The following RNF8 variants were observed in gnomAD, a reference collection of about 807,000 sequenced individuals.
RNF8 encodes ring finger protein 8, also known as E3 ubiquitin-protein ligase RNF8.
RNF8 carries 8 observed loss-of-function variants against 59.3 expected under a neutral mutation model. That is an observed-to-expected ratio of 0.13 (90% CI 0.08 to 0.24). The LOEUF is 0.24. Ranked by LOEUF, RNF8 falls within the 10% of genes least tolerant of loss-of-function variation. The pLI, the probability that RNF8 is intolerant of heterozygous loss-of-function variation, is 1.00. For missense variants in RNF8, 406 were observed against 572.6 expected (o/e 0.71, Z 2.97); for synonymous variants, 162 against 200.0 (o/e 0.81, Z 1.60).
At chr6:37,359,633 G>A (rs1294146294) in intron 1 of RNF8, among the ~76,000 whole-genome samples, 1 of 152,150 alleles carries the variant, frequency 6.6e-6, no homozygotes, top group Non-Finnish European at 1.5e-5. Flanking sequence ...AGAAGAGACA[G>A]GACTTAGGAT....
chr6:37,375,248 C>T (rs1769965107), intron 5 of RNF8, among the ~76,000 whole-genome samples: 1 of 152,196 alleles, frequency 6.6e-6, no homozygotes, highest in Non-Finnish European at 1.5e-5. Context: ...GCCCACACCC[C>T]CATCCCAGGA....
chr6:37,365,461 T>A (rs961195968), intron 2 of RNF8, among the ~76,000 whole-genome samples: 16 of 152,360 alleles, frequency 1.1e-4, no homozygotes, highest in African/African-American at 3.8e-4. Context: ...ACTCCGAGGG[T>A]GAAACCTAGG....
intron 7 of RNF8, among the ~76,000 whole-genome samples, chr6:37,387,418 G>A (rs1235940469): frequency 2.0e-5 from 3 of 152,108 alleles, no homozygotes; most frequent in Non-Finnish European, 4.4e-5. Context: ...TCAGCTCACT[G>A]CAAACCTCCG....
chr6:37,387,728 T>C (rs1187917833), intron 7 of RNF8, among the ~76,000 whole-genome samples: 1 of 152,190 alleles, frequency 6.6e-6, no homozygotes, highest in Admixed American at 6.5e-5. Flanking sequence ...TCTCCCCTCA[T>C]GGAACTTTTG....
chr6:37,377,087 T>TA, intron 6 of RNF8, 54 bp downstream of exon 6: 1 of 994,746 alleles, frequency 1.0e-6, no homozygotes, highest in Non-Finnish European at 1.5e-6. Flanking sequence ...TTTTTTTTTT[T>TA]TTGAGACAGA....
At chr6:37,375,561 G>C (rs1769979278) in intron 5 of RNF8, among the ~76,000 whole-genome samples, 1 of 152,076 alleles carries the variant, frequency 6.6e-6, no homozygotes, top group South Asian at 2.1e-4. Context: ...TAGAACTGAA[G>C]GAGGGACTTG....
In RNF8 at chr6:37,390,907, A is replaced by T. The variant is rs932781406; in HGVS notation, c.*149A>T. 3.6e-6 allele frequency: 5 copies of T among 1,385,344 alleles called. No homozygotes were observed. The Admixed American group carries it at 8.5e-5, about 23-fold the overall frequency. The allele number at this position is 1,385,344 out of a possible 1,614,324, so 85.8% of individuals were successfully genotyped here. On this transcript the variant is annotated 3_prime_UTR_variant, in exon 8 of 8. Coordinates refer to ENST00000373479, the MANE Select transcript of RNF8 (RefSeq NM_003958.4). ...GACTTGAGTTAGGAAGCCCTCAGTC[A>T]CTTGCCTTCCACGGTGGCCAGCCCT...
At chr6:37,388,935 T>TAAAAAAAAAAA (rs10667248) in intron 7 of RNF8, among the ~76,000 whole-genome samples, 53 of 139,904 alleles carry the variant, frequency 3.8e-4, no homozygotes, top group African/African-American at 1.3e-3. Context: ...CCTATCTCTT[T>TAAAAAAAAAAA]AAAAAAAAAA....
intron 7 of RNF8, 31 bp downstream of exon 7, chr6:37,381,385 A>C: frequency 6.3e-7 from 1 of 1,584,752 alleles, no homozygotes; most frequent in Non-Finnish European, 8.7e-7. Flanking sequence ...CTACCCCTCA[A>C]GAAAGGACTT....
At chr6:37,354,373 A>G (rs1581656851) in intron 1 of RNF8, 98 bp downstream of exon 1, 1 of 932,402 alleles carries the variant, frequency 1.1e-6, no homozygotes, top group East Asian at 2.8e-5. Context: ...AATGAATGGC[A>G]GAGAGGAGGC....
chr6:37,376,702 T>C (rs1349769624), intron 5 of RNF8, among the ~76,000 whole-genome samples: 1 of 152,170 alleles, frequency 6.6e-6, no homozygotes, highest in African/African-American at 2.4e-5. Context: ...ATTCAGACCA[T>C]AGCAAGTAGG....
At chr6:37,378,949 C>T (rs907004428) in intron 6 of RNF8, among the ~76,000 whole-genome samples, 1 of 152,144 alleles carries the variant, frequency 6.6e-6, no homozygotes, top group East Asian at 1.9e-4. Flanking sequence ...TTACAGAATA[C>T]TGTCTTATCT....
Position 37,381,315 on chromosome 6 carries a change from G to T in RNF8, c.1402G>T (p.Val468Leu). The T allele has an allele frequency of 6.2e-7, 1 of 1,614,232 alleles. No homozygotes were observed. The highest frequency in any genetic ancestry group is 1.3e-5 in the African/African-American group (1 of 75,062). The change falls in exon 7 of 8, where the codon GTG becomes TTG. Residue 468 changes from valine (V) to leucine (L), a missense_variant. Coordinates refer to ENST00000373479, the MANE Select transcript of RNF8 (RefSeq NM_003958.4). ...NKMVNNLSSEVKERRIVLIRE... is the reference protein window; with the variant it reads ...NKMVNNLSSELKERRIVLIRE... ...GATGGTAAATAATCTGAGCTCAGAA[G>T]TGAAAGAACGACGAATTGTTCTCAT...
intron 1 of RNF8, chr6:37,359,333 C>G: frequency 2.7e-6 from 1 of 377,234 alleles, no homozygotes; most frequent in Non-Finnish European, 5.2e-6. Context: ...TGAATTATAA[C>G]TGGCTGAAGG....
chr6:37,371,136 G>C (rs1769783498), intron 3 of RNF8, among the ~76,000 whole-genome samples: 1 of 152,160 alleles, frequency 6.6e-6, no homozygotes, highest in African/African-American at 2.4e-5. Context: ...CATGCTAGAT[G>C]TTGTGAGTGC....
intron 7 of RNF8, among the ~76,000 whole-genome samples, chr6:37,386,680 G>C (rs1770516574): frequency 6.6e-6 from 1 of 152,182 alleles, no homozygotes; most frequent in Non-Finnish European, 1.5e-5. Context: ...AAAATCAGTG[G>C]TTGCTGGCCA....
rs577718058 is a variant in RNF8, at chr6:37,367,998, T to C, written c.241-486T>C. ...TGCCATTTGACCCCAGTACCAGATA[T>C]AGTACTCTCTTTTTTTTGGTTTATG... On this transcript the variant is annotated intron_variant, in intron 2 of 7. Coordinates refer to ENST00000373479, the MANE Select transcript of RNF8 (RefSeq NM_003958.4). 9.8e-5 allele frequency among the ~76,000 whole-genome samples: 15 copies of C among 152,334 alleles called. 1 individual carries two copies. The East Asian group carries it at 2.3e-3, about 24-fold the overall frequency.
At chr6:37,354,495 G>T (rs1769035842) in intron 1 of RNF8, among the ~76,000 whole-genome samples, 1 of 151,824 alleles carries the variant, frequency 6.6e-6, no homozygotes, top group African/African-American at 2.4e-5. Flanking sequence ...GGAGGTGTTT[G>T]GGGGAGAAAT....
At chr6:37,386,649 C>T (rs192849109) in intron 7 of RNF8, among the ~76,000 whole-genome samples, 45 of 152,316 alleles carry the variant, frequency 3.0e-4, no homozygotes, top group Admixed American at 1.1e-3. Flanking sequence ...ATGAGCCCTG[C>T]ACCATGTTGC....
Sources: allele counts gnomAD v4.1 joint callset (sites outside exome capture counted in the v4.1 genomes callset), GRCh38; gene constraint gnomAD v4.1.1; transcripts MANE v1.5; gene names NCBI Gene and HGNC (gene_info 2026-07-23, HGNC 2026-07-21).